The following STK32B variants were observed in gnomAD, a reference collection of about 807,000 sequenced individuals.
STK32B encodes the protein serine/threonine kinase 32B.
Under a neutral mutation model 52.6 loss-of-function variants are expected in STK32B, and 43 were observed. The ratio of observed to expected loss-of-function variants is 0.82; its 90% CI spans 0.64 to 1.05. The LOEUF (loss-of-function observed/expected upper bound fraction) is 1.05. STK32B is among the 50% of genes least tolerant of loss of function. The pLI is 0.00. For synonymous variants in STK32B, 238 were observed against 204.3 expected, an observed-to-expected ratio of 1.17 and a Z score of -1.41; for missense variants, 621 against 534.6, an observed-to-expected ratio of 1.16 and a Z score of -1.59.
At chr4:5,324,330 G>T (rs569290595) in intron 3 of STK32B, among the ~76,000 whole-genome samples, 1 of 152,200 alleles carries the variant, frequency 6.6e-6, no homozygotes, top group Non-Finnish European at 1.5e-5. Context: ...CCCCAGCCTG[G>T]GCAACAGAGG....
intron 1 of STK32B, among the ~76,000 whole-genome samples, chr4:5,122,923 C>A (rs1414443938): frequency 6.6e-6 from 1 of 152,142 alleles, no homozygotes; most frequent in Non-Finnish European, 1.5e-5. Context: ...GGTGCTCTTC[C>A]ACCCTCAGCC....
intron 1 of STK32B, among the ~76,000 whole-genome samples, chr4:5,068,352 T>G (rs1208834212): frequency 6.6e-6 from 1 of 152,192 alleles, no homozygotes; most frequent in Non-Finnish European, 1.5e-5. Flanking sequence ...TAGCTCCCAC[T>G]TATAAGTGAG....
chr4:5,256,728 GC>G (rs1401772520), intron 3 of STK32B, among the ~76,000 whole-genome samples: 1 of 152,178 alleles, frequency 6.6e-6, no homozygotes, highest in African/African-American at 2.4e-5. Context: ...TGTTCCTGAA[GC>G]CTTTTATTAG....
At chr4:5,176,984 A>G (rs1417870664) in intron 3 of STK32B, among the ~76,000 whole-genome samples, 22 of 152,202 alleles carry the variant, frequency 1.4e-4, no homozygotes, top group Admixed American at 1.4e-3. Context: ...TAATGACATT[A>G]TAATGCCTTG....
chr4:5,199,661 C>T (rs1313231154), intron 3 of STK32B, among the ~76,000 whole-genome samples: 1 of 152,158 alleles, frequency 6.6e-6, no homozygotes, highest in African/African-American at 2.4e-5. Flanking sequence ...TCACTTTGTG[C>T]TTCATAAACT....
Position 5,168,443 on chromosome 4 carries a change from A to C in STK32B, c.253A>C (p.Asn85His). 1 of 1,613,050 alleles carries C rather than the reference A, an allele frequency of 6.2e-7. No individual in the cohort carries two copies. Among genetic ancestry groups the C allele is most frequent in the Non-Finnish European group, 8.5e-7 (1 of 1,179,574 alleles). Residue 85 changes from asparagine to histidine, a missense_variant, in exon 3 of 12, where the codon AAT becomes CAT. By Grantham distance (68) the Asn-to-His change is moderately conservative. Transcript: ENST00000282908. ...AGGGCTGGAGCACCCCTTCCTGGTC[A>C]ATCTGTGGTGAGTGTGGCTCCATCC... The part of the protein sequence containing the change: ...MQGLEHPFLV[N>H]LWYSFQDEED...
chr4:5,134,394 C>T (rs1422951821), intron 1 of STK32B, among the ~76,000 whole-genome samples: 1 of 152,110 alleles, frequency 6.6e-6, no homozygotes, highest in Non-Finnish European at 1.5e-5. Flanking sequence ...AGCTTAGCCC[C>T]CTCTTGCTCC....
intron 3 of STK32B, among the ~76,000 whole-genome samples, chr4:5,315,062 T>C (rs966147573): frequency 3.9e-5 from 6 of 152,110 alleles, no homozygotes; most frequent in African/African-American, 1.4e-4. Flanking sequence ...AGAAAATATT[T>C]GCAAACCACA....
chr4:5,032,209 C>T, the STK32B span, among the ~76,000 whole-genome samples: 1 of 150,350 alleles, frequency 6.7e-6, no homozygotes, highest in South Asian at 2.1e-4. Flanking sequence ...CACAGTGGCT[C>T]ACACCTGTAA....
intron 11 of STK32B, among the ~76,000 whole-genome samples, chr4:5,481,845 A>T (rs565609930): frequency 2.0e-5 from 3 of 151,906 alleles, no homozygotes; most frequent in African/African-American, 4.8e-5. Flanking sequence ...ATAGGGAATC[A>T]TTTCCCCATT....
At chr4:5,205,713 T>C (rs747070472) in intron 3 of STK32B, among the ~76,000 whole-genome samples, 20,489 of 95,216 alleles carry the variant, frequency 0.22, 1,469 homozygotes, top group Non-Finnish European at 0.26. Flanking sequence ...CGTGTGTGTG[T>C]GTGTGTGTGT....
chr4:5,176,102 T>C (rs1007764115), intron 3 of STK32B, among the ~76,000 whole-genome samples: 17 of 152,342 alleles, frequency 1.1e-4, no homozygotes, highest in Admixed American at 2.6e-4. Flanking sequence ...CTCTGAGCCA[T>C]GTGCGGGATA....
intron 4 of STK32B, among the ~76,000 whole-genome samples, chr4:5,387,538 G>A (rs1736337420): frequency 6.6e-6 from 1 of 152,174 alleles, no homozygotes; most frequent in Non-Finnish European, 1.5e-5. Context: ...GACGGGTGCA[G>A]AGGAGTTGAC....
intron 1 of STK32B, among the ~76,000 whole-genome samples, chr4:5,115,890 T>G (rs1203324570): frequency 6.6e-6 from 1 of 152,190 alleles, no homozygotes; most frequent in Non-Finnish European, 1.5e-5. Context: ...TTGATAGTAT[T>G]AATTAACCTT....
chr4:5,116,742 G>A (rs1187226128), intron 1 of STK32B, among the ~76,000 whole-genome samples: 1 of 152,222 alleles, frequency 6.6e-6, no homozygotes, highest in African/African-American at 2.4e-5. Context: ...TGGATGGTAT[G>A]GACATTTTAA....
intron 3 of STK32B, among the ~76,000 whole-genome samples, chr4:5,249,501 T>TCCTTCCTC (rs1460248450): frequency 1.9e-4 from 24 of 124,952 alleles, no homozygotes; most frequent in East Asian, 2.7e-4. Context: ...CTTCCTTCCT[T>TCCTTCCTC]CCTCCCTCCC....
At chr4:5,049,616 G>A (rs1741685104), upstream of STK32B, among the ~76,000 whole-genome samples, 1 of 152,184 alleles carries the variant, frequency 6.6e-6, no homozygotes, top group Admixed American at 6.5e-5. Context: ...AATGTCATCA[G>A]TTAAGGCAGG....
In STK32B at chr4:5,259,649, C is replaced by G. The variant is rs73084006; in HGVS notation, c.261-71571C>G. 5.5e-3 allele frequency among the ~76,000 whole-genome samples: 835 copies of G among 152,260 alleles called. 11 individuals carry two copies. The highest frequency in any genetic ancestry group is 0.018 in the African/African-American group (764 of 41,558). ...AAATGCTCAGTGAGTGTTATCTTCA[C>G]TATAATTTTCAAAACCTGTTTCCTT... On this transcript the variant is annotated intron_variant, in intron 3 of 11. Coordinates refer to ENST00000282908, the MANE Select transcript of STK32B (RefSeq NM_018401.3).
chr4:5,443,214 C>T (rs1350656829), intron 6 of STK32B, among the ~76,000 whole-genome samples: 9 of 146,948 alleles, frequency 6.1e-5, no homozygotes, highest in African/African-American at 2.2e-4. Context: ...CAACTTGGTT[C>T]CATTCTCCCC....
Sources: gnomAD v4.1 joint callset for allele counts (sites outside exome capture counted in the v4.1 genomes callset) on GRCh38, gnomAD v4.1.1 for gene constraint, MANE v1.5 for transcripts, NCBI Gene and HGNC (gene_info 2026-07-23, HGNC 2026-07-21) for gene names.